The following TMEM67 variants were observed in gnomAD, a reference collection of about 807,000 sequenced individuals.
The protein encoded by TMEM67 is transmembrane protein 67, also known as meckelin.
A neutral mutation model predicts 136.6 loss-of-function variants in TMEM67; 124 were observed. That is an observed-to-expected ratio of 0.91 (90% confidence interval 0.78 to 1.05). TMEM67 has a LOEUF of 1.05. Among genes scored for constraint, TMEM67 ranks in the 50% least tolerant of loss-of-function variants. TMEM67 has a pLI of 0.00. For missense variants in TMEM67, 1,107 were observed against 1,178.4 expected, an observed-to-expected ratio of 0.94 and a Z score of 0.89; for synonymous variants, 364 against 390.5, an observed-to-expected ratio of 0.93 and a Z score of 0.80.
At chr8:93,766,345 C>T (rs566629262) in intron 6 of TMEM67, among the ~76,000 whole-genome samples, 260 of 152,208 alleles carry the variant, frequency 1.7e-3, no homozygotes, top group African/African-American at 6.0e-3. Context: ...GTCTTGAACT[C>T]CTGACCTTGT....
chr8:93,823,598 A>G (rs541345387), downstream of TMEM67, among the ~76,000 whole-genome samples: 1 of 152,236 alleles, frequency 6.6e-6, no homozygotes, highest in South Asian at 2.1e-4. Flanking sequence ...GGACTATAGG[A>G]TGGTAATGAG....
chr8:93,796,624 C>T (rs191783013), intron 18 of TMEM67, among the ~76,000 whole-genome samples: 6 of 152,078 alleles, frequency 3.9e-5, no homozygotes, highest in Admixed American at 1.3e-4. Flanking sequence ...AAACATATTG[C>T]TTGTATAAAT....
At chr8:93,765,200 T>C (rs1316162246) in intron 4 of TMEM67, among the ~76,000 whole-genome samples, 1 of 152,224 alleles carries the variant, frequency 6.6e-6, no homozygotes, top group Non-Finnish European at 1.5e-5. Flanking sequence ...TCTTCTATTA[T>C]TGATTAGTTT....
At chr8:93,784,265 T>C (rs974465259) in intron 11 of TMEM67, among the ~76,000 whole-genome samples, 5 of 152,358 alleles carry the variant, frequency 3.3e-5, no homozygotes, top group African/African-American at 4.8e-5. Context: ...TCAACACTTA[T>C]GTAATGCCTA....
In TMEM67 at chr8:93,760,926, G is replaced by T. The variant is rs79821150; in HGVS notation, c.406+2350G>T. Reference sequence around the variant, plus strand: ...TTCACATAGAAAAAAATATTTTAACGTGAGAAAAAAATGTTCAACTTTACT... The same window carrying T: ...TTCACATAGAAAAAAATATTTTAACTTGAGAAAAAAATGTTCAACTTTACT... On this transcript the variant is annotated intron_variant, in intron 3 of 27. Transcript: ENST00000453321. Among the ~76,000 whole-genome samples the T allele has an allele frequency of 2.2e-4, 33 of 152,140 alleles. 1 individual carries two copies. The highest frequency in any genetic ancestry group is 2.2e-3 in the Admixed American group (33 of 15,268).
Position 93,814,135 on chromosome 8 carries a change from CTTTTTTTT to C in TMEM67, c.2765-1155_2765-1148del, listed in dbSNP as rs55774610. ...TGTTTGCAAGAGTTGTATATGTATA[CTTTTTTTT>C]TTTTTTTTTTTTTTGAGACGTAGTA... On this transcript the variant is annotated intron_variant, in intron 26 of 27. Transcript: ENST00000453321. Among the ~76,000 whole-genome samples the C allele has an allele frequency of 2.1e-4, 13 of 60,794 alleles. No homozygotes were observed. In the South Asian group the frequency reaches 7.7e-3, roughly 36 times the overall value. The allele number at this position is 60,794 out of a possible 152,430, so 39.9% of individuals were successfully genotyped here.
chr8:93,807,734 G>A (rs1815218937), intron 23 of TMEM67, among the ~76,000 whole-genome samples: 1 of 151,824 alleles, frequency 6.6e-6, no homozygotes, highest in African/African-American at 2.4e-5. Context: ...CTTCCTTTAA[G>A]TGTATAGAAA....
intron 3 of TMEM67, among the ~76,000 whole-genome samples, chr8:93,760,390 C>A (rs1812774925): frequency 6.6e-6 from 1 of 152,136 alleles, no homozygotes; most frequent in Non-Finnish European, 1.5e-5. Flanking sequence ...AGTGGCATTT[C>A]ATATAAGTGG....
At chr8:93,814,614 G>A (rs1319953478) in intron 26 of TMEM67, among the ~76,000 whole-genome samples, 2 of 150,922 alleles carry the variant, frequency 1.3e-5, no homozygotes, top group Admixed American at 6.6e-5. Flanking sequence ...CTACAGGTGT[G>A]CACCAGCAGA....
intron 23 of TMEM67, among the ~76,000 whole-genome samples, chr8:93,808,289 G>T (rs1815248096): frequency 7.3e-6 from 1 of 136,836 alleles, no homozygotes; most frequent in Non-Finnish European, 1.5e-5. Context: ...ACCTATTATG[G>T]ATTATATATA....
chr8:93,814,707 G>C (rs555996460), intron 26 of TMEM67, among the ~76,000 whole-genome samples: 1 of 137,966 alleles, frequency 7.2e-6, no homozygotes, highest in South Asian at 2.3e-4. Flanking sequence ...GGCTGGTCTT[G>C]AACTCCTGGC....
At chr8:93,787,435 A>G (rs1370259604) in intron 13 of TMEM67, among the ~76,000 whole-genome samples, 1 of 152,156 alleles carries the variant, frequency 6.6e-6, no homozygotes, top group Admixed American at 6.5e-5. Context: ...TTAAGAATTC[A>G]TCTTTCTCTT....
chr8:93,782,379 T>TACA lies in TMEM67; in HGVS notation c.1066-15_1066-14insCAA, dbSNP rs1563459983. The TACA allele has an allele frequency of 6.2e-7, 1 of 1,601,116 alleles. No homozygotes were observed. The highest frequency in any genetic ancestry group is 2.2e-5 in the East Asian group (1 of 44,748). ...AAACATTTGTGAGATTTATCTGTTG[T>TACA]ATTATTTTGCTGCAGCTTTGTCCAG... On this transcript the variant is annotated splice_polypyrimidine_tract_variant and intron_variant, in intron 10 of 27. Coordinates refer to ENST00000453321, the MANE Select transcript of TMEM67 (RefSeq NM_153704.6).
chr8:93,808,905 T>C lies in TMEM67; in HGVS notation c.2505T>C (p.Ile835=), dbSNP rs781586067. The C allele has an allele frequency of 6.2e-7, 1 of 1,612,962 alleles. No homozygotes were observed. The highest frequency in any genetic ancestry group is 1.3e-5 in the African/African-American group (1 of 74,994). ...NTDGQTFEIA[I]SNQMRQHYDR... is the part of the protein sequence containing the mutation. ...ATGGTCAGACTTTTGAGATTGCAAT[T>C]TCTAACCAGATGAGACAACATTATG... The change falls in exon 24 of 28, where the codon ATT becomes ATC. Residue 835 remains isoleucine, a synonymous_variant. Transcript: ENST00000453321.
At chr8:93,830,476 C>T in the TMEM67 span, among the ~76,000 whole-genome samples, 8 of 152,120 alleles carry the variant, frequency 5.3e-5, no homozygotes, top group East Asian at 1.9e-4. Flanking sequence ...TATCTGGGAG[C>T]GGGGGTGATC....
the TMEM67 span, among the ~76,000 whole-genome samples, chr8:93,830,149 G>A: frequency 6.6e-6 from 1 of 152,158 alleles, no homozygotes; most frequent in Non-Finnish European, 1.5e-5. Flanking sequence ...CTACATGGTT[G>A]TCAATCATGC....
chr8:93,797,597 C>T (rs1004203339), intron 20 of TMEM67, 127 bp downstream of exon 20: 6 of 937,598 alleles, frequency 6.4e-6, no homozygotes, highest in Non-Finnish European at 9.8e-6. Flanking sequence ...TGTTGTGAAG[C>T]CATTAAAAAG....
chr8:93,824,933 C>T, the TMEM67 span, among the ~76,000 whole-genome samples: 1 of 152,064 alleles, frequency 6.6e-6, no homozygotes, highest in Admixed American at 6.5e-5. Flanking sequence ...CCAGGCTGGT[C>T]TCGAACTCCT....
chr8:93,781,918 T>A (rs573975179), intron 10 of TMEM67, among the ~76,000 whole-genome samples, 174 bp downstream of exon 10: 1 of 150,782 alleles, frequency 6.6e-6, no homozygotes, highest in East Asian at 1.9e-4. Flanking sequence ...TTTGTTTGTT[T>A]GTTTTTTCTT....
Sources: allele counts gnomAD v4.1 joint callset (sites outside exome capture counted in the v4.1 genomes callset), GRCh38; gene constraint gnomAD v4.1.1; transcripts MANE v1.5; gene names NCBI Gene and HGNC (gene_info 2026-07-23, HGNC 2026-07-21).